Variants in CISD2 observed in about 807,000 individuals in gnomAD.
The protein encoded by CISD2 is CDGSH iron sulfur domain 2, also known as CDGSH iron-sulfur domain-containing protein 2.
Under a neutral mutation model 12.9 loss-of-function variants are expected in CISD2, and 1 was observed. That is an observed-to-expected ratio of 0.08 (90% CI 0.03 to 0.37). CISD2 has a LOEUF of 0.37. Ranked by LOEUF, CISD2 falls within the 10% of genes least tolerant of loss-of-function variation. The pLI is 0.99. For missense variants in CISD2, 97 were observed against 163.1 expected, an observed-to-expected ratio of 0.59 and a Z score of 2.21; for synonymous variants, 50 against 60.6, an observed-to-expected ratio of 0.83 and a Z score of 0.81.
In CISD2 at chr4:102,891,344, A is replaced by C. The variant is rs1734239755; in HGVS notation, c.*3914A>C. The C allele has an allele frequency of 6.6e-6, 1 of 152,206 alleles. No homozygotes were observed. Among genetic ancestry groups the C allele is most frequent in the Non-Finnish European group, 1.5e-5 (1 of 68,028 alleles). The allele number at this position is 152,206 out of a possible 1,614,324, so 9.4% of individuals were successfully genotyped here. A position where few individuals can be genotyped will look rare whatever the true frequency, so the allele number is the denominator to read the frequency against. On this transcript the variant is annotated 3_prime_UTR_variant, in exon 3 of 3. Coordinates refer to ENST00000273986, the MANE Select transcript of CISD2 (RefSeq NM_001008388.5). Reference sequence around the variant, plus strand: ...TCTTGCAGAAGGGGTGAACTACAAAATGTGACAGCTGACAGCAAGTCAGGG... The same window carrying C: ...TCTTGCAGAAGGGGTGAACTACAAACTGTGACAGCTGACAGCAAGTCAGGG...
chr4:102,873,199 T>A (rs946250506), intron 1 of CISD2, among the ~76,000 whole-genome samples: 23 of 152,198 alleles, frequency 1.5e-4, no homozygotes, highest in Admixed American at 1.4e-3. Context: ...AGATGAGATT[T>A]CAGTGGGGAC....
At chr4:102,873,102 A>T (rs533184634) in intron 1 of CISD2, among the ~76,000 whole-genome samples, 18 of 152,282 alleles carry the variant, frequency 1.2e-4, no homozygotes, top group Non-Finnish European at 1.8e-4. Flanking sequence ...CACTATCACC[A>T]GAACAGCATG....
In CISD2 at chr4:102,885,080, T is replaced by G. The variant is rs550618386; in HGVS notation, c.104-136T>G. On this transcript the variant is annotated intron_variant, in intron 1 of 2. Coordinates refer to ENST00000273986, the MANE Select transcript of CISD2 (RefSeq NM_001008388.5). ...AGAGCTGGCTTTATTGTGTTATTTA[T>G]TCACAGTTTTATGGATCCATTAAAA... 4.1e-6 allele frequency: 3 copies of G among 730,636 alleles called. No individual in the cohort carries two copies. The South Asian group carries it at 4.5e-5, about 11-fold the overall frequency. The allele number at this position is 730,636 out of a possible 1,614,324, so 45.3% of individuals were successfully genotyped here. A position where few individuals can be genotyped will look rare whatever the true frequency, so the allele number is the denominator to read the frequency against.
intron 1 of CISD2, 28 bp from the exon 2 acceptor site, chr4:102,885,188 G>A (rs375375350): frequency 1.3e-4 from 200 of 1,563,504 alleles, no homozygotes; most frequent in Non-Finnish European, 1.7e-4. Flanking sequence ...CAAGAGCACT[G>A]CAGATTCTGA....
At chr4:102,878,372 G>A (rs934593022) in intron 1 of CISD2, among the ~76,000 whole-genome samples, 5 of 151,988 alleles carry the variant, frequency 3.3e-5, no homozygotes, top group African/African-American at 7.3e-5. Flanking sequence ...CTCATGATCT[G>A]CCCGCCTCAG....
At chr4:102,875,275 C>T (rs993168004) in intron 1 of CISD2, among the ~76,000 whole-genome samples, 5 of 152,240 alleles carry the variant, frequency 3.3e-5, no homozygotes, top group Non-Finnish European at 1.5e-5. Context: ...AAAACCTGTA[C>T]AGTTTTTGCT....
chr4:102,878,456 A>G (rs1733640411), intron 1 of CISD2, among the ~76,000 whole-genome samples: 1 of 152,182 alleles, frequency 6.6e-6, no homozygotes, highest in South Asian at 2.1e-4. Context: ...TTGCATCATC[A>G]GACTGCAAAT....
intron 1 of CISD2, among the ~76,000 whole-genome samples, chr4:102,883,412 G>A (rs1733774398): frequency 6.6e-6 from 1 of 152,158 alleles, no homozygotes; most frequent in South Asian, 2.1e-4. Context: ...AAAGGCCTGT[G>A]CCCATGCTTT....
intron 1 of CISD2, 126 bp downstream of exon 1, chr4:102,869,313 G>A (rs1733354471): frequency 3.0e-6 from 4 of 1,339,492 alleles, no homozygotes; most frequent in Admixed American, 3.9e-5. Flanking sequence ...CCCGCGCGCA[G>A]AGGAAGGTGG....
At chr4:102,878,977 G>C (rs1733652194) in intron 1 of CISD2, among the ~76,000 whole-genome samples, 1 of 152,130 alleles carries the variant, frequency 6.6e-6, no homozygotes, top group Non-Finnish European at 1.5e-5. Context: ...GCATGACTAG[G>C]GAGGCCTCAG....
At position 102,887,749 on chromosome 4, in the gene CISD2, A is replaced by C. The variant is rs955489429; in HGVS notation, c.*319A>C. The C allele has an allele frequency of 1.6e-5, 3 of 188,594 alleles. No individual in the cohort carries two copies. The highest frequency in any genetic ancestry group is 4.7e-5 in the African/African-American group (2 of 42,398). The allele number at this position is 188,594 out of a possible 1,614,324, so 11.7% of individuals were successfully genotyped here. On this transcript the variant is annotated 3_prime_UTR_variant, in exon 3 of 3. Transcript: ENST00000273986. ...ATATTTTCAACAGGATCTTGTATTT[A>C]AAATTCCCACCTACATTGTTAAATA... is the stretch of plus-strand genomic sequence containing the variant.
chr4:102,870,053 A>G (rs1373884493), intron 1 of CISD2, among the ~76,000 whole-genome samples: 1 of 152,200 alleles, frequency 6.6e-6, no homozygotes, highest in African/African-American at 2.4e-5. Flanking sequence ...AGGATGGTGA[A>G]GGAATCAGCA....
chr4:102,878,538 T>G (rs1481396080), intron 1 of CISD2, among the ~76,000 whole-genome samples: 1 of 152,220 alleles, frequency 6.6e-6, no homozygotes, highest in Non-Finnish European at 1.5e-5. Context: ...CTCTCAAGTT[T>G]CATCAGTCTC....
rs548270434 is a variant in CISD2, at chr4:102,869,026, C to A, written c.-59C>A. 723 of 1,518,290 alleles carry A rather than the reference C, an allele frequency of 4.8e-4. 7 individuals are homozygous for A. The South Asian group carries it at 8.4e-3, about 18-fold the overall frequency. The allele number at this position is 1,518,290 out of a possible 1,614,324, so 94.1% of individuals were successfully genotyped here. On this transcript the variant is annotated 5_prime_UTR_variant, in exon 1 of 3. Transcript: ENST00000273986. ...CGGCCGCTTCCGCTCCCGGCGCAGG[C>A]GCGGCAGCTTGGCCAGAGCGGAGGG...
In CISD2 at chr4:102,889,243, C is replaced by G. The variant is rs576486602; in HGVS notation, c.*1813C>G. 1.4e-4 allele frequency: 20 copies of G among 147,052 alleles called. No homozygotes were observed. The highest frequency in any genetic ancestry group is 5.2e-4 in the African/African-American group (19 of 36,694). 9.1% of individuals were successfully genotyped at this position (147,052 alleles called of 1,614,324 possible). A position where few individuals can be genotyped will look rare whatever the true frequency, so the allele number is the denominator to read the frequency against. On this transcript the variant is annotated 3_prime_UTR_variant, in exon 3 of 3. Coordinates refer to ENST00000273986, the MANE Select transcript of CISD2 (RefSeq NM_001008388.5). ...GGGGATAAATACAGCATTGCTCTCA[C>G]TTCTTTGACTCTGGGTGCTTTTTCG...
intron 1 of CISD2, among the ~76,000 whole-genome samples, chr4:102,872,188 C>T (rs547279780): frequency 1.4e-4 from 21 of 152,280 alleles, no homozygotes; most frequent in Middle Eastern, 3.4e-3. Flanking sequence ...TATGCCTCAG[C>T]CTCCTAAGTA....
intron 2 of CISD2, 78 bp downstream of exon 2, chr4:102,885,508 G>T (rs1047756460): frequency 6.2e-6 from 7 of 1,121,238 alleles, no homozygotes; most frequent in Non-Finnish European, 9.4e-6. Context: ...CAGTTTTGAA[G>T]TTCTTTAAGA....
At position 102,878,599 on chromosome 4, in the gene CISD2, T is replaced by G. The variant is rs150875000; in HGVS notation, c.104-6617T>G. ...TCTGTTTGCTAAAGCATAGCAAGAG[T>G]GACCTTTGCTCCATTTCCCAGTAAG... On this transcript the variant is annotated intron_variant, in intron 1 of 2. Transcript: ENST00000273986. Among the ~76,000 whole-genome samples, 586 of 152,238 alleles carry G rather than the reference T, an allele frequency of 3.8e-3. 7 individuals carry two copies. The highest frequency in any genetic ancestry group is 0.014 in the African/African-American group (569 of 41,548).
chr4:102,889,626 T>TAAAG lies in CISD2; in HGVS notation c.*2198_*2201dup, dbSNP rs1414100224. On this transcript the variant is annotated 3_prime_UTR_variant, in exon 3 of 3. Coordinates refer to ENST00000273986, the MANE Select transcript of CISD2 (RefSeq NM_001008388.5). Reference sequence around the variant, plus strand: ...AAGTAAGATGGTTGTACTCTCAGAATAAAGACTTTTTCCCTGCCACATTTT... The same window carrying TAAAG: ...AAGTAAGATGGTTGTACTCTCAGAATAAAGAAAGACTTTTTCCCTGCCACATTTT... 1 of 134,270 alleles carries TAAAG rather than the reference T, an allele frequency of 7.4e-6. No homozygotes were observed. Among genetic ancestry groups the TAAAG allele is most frequent in the Non-Finnish European group, 1.6e-5 (1 of 60,810 alleles). 8.3% of individuals were successfully genotyped at this position (134,270 alleles called of 1,614,324 possible).
Sources: allele counts gnomAD v4.1 joint callset (sites outside exome capture counted in the v4.1 genomes callset), GRCh38; gene constraint gnomAD v4.1.1; transcripts MANE v1.5; gene names NCBI Gene and HGNC (gene_info 2026-07-23, HGNC 2026-07-21).